TMEM266: variants seen among roughly 807,000 people sequenced by gnomAD.
TMEM266 encodes Hv1 related protein 1.
A neutral mutation model predicts 50.5 loss-of-function variants in TMEM266; 33 were observed. The ratio of observed to expected loss-of-function variants is 0.65; its 90% confidence interval spans 0.50 to 0.87. TMEM266 has a LOEUF of 0.87. Among genes scored for constraint, TMEM266 ranks in the 40% least tolerant of loss-of-function variants. The pLI is 0.00. For missense variants in TMEM266, 655 were observed against 695.1 expected, an observed-to-expected ratio of 0.94 and a Z score of 0.65; for synonymous variants, 310 against 292.3, an observed-to-expected ratio of 1.06 and a Z score of -0.62.
At chr15:76,156,029 A>G (rs2037919025) in intron 3 of TMEM266, among the ~76,000 whole-genome samples, 2 of 152,280 alleles carry the variant, frequency 1.3e-5, no homozygotes, top group Admixed American at 6.5e-5. Flanking sequence ...TTCAACTTTG[A>G]GAAGACTGAA....
intron 1 of TMEM266, among the ~76,000 whole-genome samples, chr15:76,071,707 G>A (rs1432063597): frequency 6.6e-6 from 1 of 152,076 alleles, no homozygotes; most frequent in African/African-American, 2.4e-5. Flanking sequence ...TCTACTCTTT[G>A]GTTCCCACCA....
chr15:76,149,842 GT>G (rs927436788), intron 3 of TMEM266, among the ~76,000 whole-genome samples: 6 of 152,230 alleles, frequency 3.9e-5, no homozygotes, highest in Admixed American at 1.3e-4. Flanking sequence ...TTAAGTGTTT[GT>G]TTAATCAATA....
At chr15:76,150,117 C>T (rs2037815546) in intron 3 of TMEM266, among the ~76,000 whole-genome samples, 1 of 152,198 alleles carries the variant, frequency 6.6e-6, no homozygotes, top group Admixed American at 6.5e-5. Context: ...GATTATCCGT[C>T]AGTGAGATTC....
intron 7 of TMEM266, among the ~76,000 whole-genome samples, chr15:76,173,490 C>T (rs2038219052): frequency 2.0e-5 from 3 of 152,200 alleles, no homozygotes; most frequent in Admixed American, 2.0e-4. Flanking sequence ...GTCCGTGGGA[C>T]TACTGCTGGC....
intron 8 of TMEM266, among the ~76,000 whole-genome samples, chr15:76,182,347 AAGAG>A (rs2038426130): frequency 6.6e-6 from 1 of 152,124 alleles, no homozygotes; most frequent in South Asian, 2.1e-4. Flanking sequence ...GGTTAAAAAA[AAGAG>A]AGAGGTCGGG....
chr15:76,070,170 G>A (rs1319196102), intron 1 of TMEM266, among the ~76,000 whole-genome samples: 1 of 152,154 alleles, frequency 6.6e-6, no homozygotes, highest in Middle Eastern at 3.2e-3. Context: ...CGGCTGCTCA[G>A]GGCTGTCATC....
intron 3 of TMEM266, among the ~76,000 whole-genome samples, chr15:76,152,197 T>C (rs1020323573): frequency 5.3e-5 from 8 of 152,282 alleles, no homozygotes; most frequent in African/African-American, 1.9e-4. Flanking sequence ...GTCACCCCCA[T>C]GTGCCTTGCC....
chr15:76,156,768 AAG>A lies in TMEM266; in HGVS notation c.382+16_382+17del. ...ATAAAGCTTCTCCAGTGTGAGTAGC[AAG>A]AGAGATACATATGCCAATACATATG... is the stretch of plus-strand genomic sequence containing the variant. On this transcript the variant is annotated intron_variant, in intron 4 of 10. Coordinates refer to ENST00000388942, the MANE Select transcript of TMEM266 (RefSeq NM_152335.3). 6.2e-7 allele frequency: 1 copy of A among 1,612,368 alleles called. No homozygotes were observed. The highest frequency in any genetic ancestry group is 8.5e-7 in the Non-Finnish European group (1 of 1,178,578).
intron 1 of TMEM266, among the ~76,000 whole-genome samples, chr15:76,120,289 A>G (rs1433094653): frequency 6.6e-6 from 1 of 152,126 alleles, no homozygotes; most frequent in Non-Finnish European, 1.5e-5. Context: ...ACCATGGAAT[A>G]TATTATACAG....
At chr15:76,200,301 C>T (rs145750104) in intron 9 of TMEM266, among the ~76,000 whole-genome samples, 64 of 152,292 alleles carry the variant, frequency 4.2e-4, no homozygotes, top group African/African-American at 1.0e-3. Context: ...CTTCGCACTC[C>T]GCTGTGACTC....
At chr15:76,105,483 ATTC>A in intron 1 of TMEM266, among the ~76,000 whole-genome samples, 1 of 152,318 alleles carries the variant, frequency 6.6e-6, no homozygotes, top group East Asian at 1.9e-4. Context: ...GATCAGAAAA[ATTC>A]TTCTGTAAAT....
intron 3 of TMEM266, among the ~76,000 whole-genome samples, chr15:76,147,078 G>C (rs1430919981): frequency 6.6e-6 from 1 of 152,224 alleles, no homozygotes; most frequent in Non-Finnish European, 1.5e-5. Flanking sequence ...AGTTCTGTTT[G>C]GAGTGTTTGG....
chr15:76,110,920 AAAC>A (rs1211239220), intron 1 of TMEM266, among the ~76,000 whole-genome samples: 1 of 152,198 alleles, frequency 6.6e-6, no homozygotes, highest in African/African-American at 2.4e-5. Context: ...ATGCAAATTA[AAAC>A]AACAACGGGA....
intron 9 of TMEM266, among the ~76,000 whole-genome samples, chr15:76,192,863 C>T (rs1372691113): frequency 6.6e-6 from 1 of 152,206 alleles, no homozygotes; most frequent in Non-Finnish European, 1.5e-5. Context: ...TGCTGCGAGG[C>T]TCAGAGGTTT....
chr15:76,195,185 C>T (rs1396914122), intron 9 of TMEM266, among the ~76,000 whole-genome samples: 1 of 152,198 alleles, frequency 6.6e-6, no homozygotes, highest in East Asian at 1.9e-4. Flanking sequence ...CAACCTTACA[C>T]CGACTCCCAG....
intron 3 of TMEM266, among the ~76,000 whole-genome samples, chr15:76,140,226 C>T (rs2037656488): frequency 6.6e-6 from 1 of 152,184 alleles, no homozygotes; most frequent in Admixed American, 6.5e-5. Context: ...CTGGGGGCGC[C>T]GATTGGCAGC....
chr15:76,124,616 T>C (rs1251079634), intron 1 of TMEM266, among the ~76,000 whole-genome samples: 1 of 151,884 alleles, frequency 6.6e-6, no homozygotes, highest in Non-Finnish European at 1.5e-5. Context: ...CTAGGCAACA[T>C]AGCAAGACCC....
chr15:76,097,098 ATTTAGCCTG>A (rs1481248951), intron 1 of TMEM266, among the ~76,000 whole-genome samples: 1 of 151,942 alleles, frequency 6.6e-6, no homozygotes, highest in African/African-American at 2.4e-5. Context: ...TAACTGGGGC[ATTTAGCCTG>A]TTTACATTTA....
chr15:76,064,479 A>G (rs1487465544), intron 1 of TMEM266, among the ~76,000 whole-genome samples: 1 of 152,196 alleles, frequency 6.6e-6, no homozygotes, highest in Non-Finnish European at 1.5e-5. Flanking sequence ...TCTGCAGAAC[A>G]CTTTAGAATG....
Sources: gnomAD v4.1 joint callset for allele counts (sites outside exome capture counted in the v4.1 genomes callset) on GRCh38, gnomAD v4.1.1 for gene constraint, MANE v1.5 for transcripts, NCBI Gene and HGNC (gene_info 2026-07-23, HGNC 2026-07-21) for gene names.